TXNDC16: variants seen among roughly 807,000 people sequenced by gnomAD.
The protein encoded by TXNDC16 is thioredoxin domain-containing protein 16.
A neutral mutation model predicts 85.6 loss-of-function variants in TXNDC16; 74 were observed. The observed-to-expected ratio is 0.86, with a 90% CI of 0.72 to 1.05. TXNDC16 has a LOEUF of 1.05. Ranked by LOEUF, TXNDC16 falls within the 50% of genes least tolerant of loss-of-function variation. The probability of loss-of-function intolerance (pLI) is 0.00; values close to 1 mark genes in which losing one functional copy is unlikely to be tolerated. For missense variants in TXNDC16, 959 were observed against 947.0 expected (o/e 1.01, Z -0.17); for synonymous variants, 335 against 326.5 (o/e 1.03, Z -0.28).
Position 52,469,346 on chromosome 14 carries a change from C to CA in TXNDC16, c.1618+690dup, listed in dbSNP as rs980221572. 7.5e-3 allele frequency among the ~76,000 whole-genome samples: 878 copies of CA among 116,644 alleles called. 14 individuals are homozygous for CA. The highest frequency in any genetic ancestry group is 0.052 in the Admixed American group (606 of 11,544). 76.5% of individuals were successfully genotyped at this position (116,644 alleles called of 152,430 possible). On this transcript the variant is annotated intron_variant, in intron 16 of 20. Transcript: ENST00000281741. ...TAGGTGACAGAGCAAGATCTCGTCTCAAAAAAAAAAACAAAAAACAAATTT... is the reference window on the plus strand; with the variant it reads ...TAGGTGACAGAGCAAGATCTCGTCTCAAAAAAAAAAAACAAAAAACAAATTT...
intron 8 of TXNDC16, among the ~76,000 whole-genome samples, chr14:52,514,625 C>T (rs1246491957): frequency 6.6e-6 from 1 of 152,140 alleles, no homozygotes; most frequent in East Asian, 1.9e-4. Flanking sequence ...CCCGCTTGGC[C>T]ACTCACATCT....
At chr14:52,524,722 T>C (rs1459184524) in intron 6 of TXNDC16, among the ~76,000 whole-genome samples, 1 of 152,076 alleles carries the variant, frequency 6.6e-6, no homozygotes, top group African/African-American at 2.4e-5. Flanking sequence ...CTTGAACTCC[T>C]GGCCTCAAGT....
chr14:52,490,413 A>T lies in TXNDC16; in HGVS notation c.962T>A (p.Val321Glu), dbSNP rs1161016847. The change falls in exon 11 of 21, where the codon GTG (valine) becomes GAG (glutamate). Residue 321 changes from valine (V) to glutamate (E), a missense_variant. Transcript: ENST00000281741. ...AACCTCTTCTGCTCTTTTGAAGACCACATTAGCATCTTGAGGAATGTTCAC... is the reference window on the plus strand; with the variant it reads ...AACCTCTTCTGCTCTTTTGAAGACCTCATTAGCATCTTGAGGAATGTTCAC... ...LEVNIPQDAN[V>E]VFKRAEEGVP... 2 of 1,600,678 alleles carry T rather than the reference A, an allele frequency of 1.2e-6. No individual in the cohort carries two copies. The highest frequency in any genetic ancestry group is 1.3e-5 in the African/African-American group (1 of 74,484).
intron 4 of TXNDC16, among the ~76,000 whole-genome samples, chr14:52,541,675 T>C (rs1039876326): frequency 1.3e-5 from 2 of 152,174 alleles, no homozygotes; most frequent in African/African-American, 4.8e-5. Flanking sequence ...AGAAAAAATG[T>C]ACACAGAAAG....
chr14:52,454,155 A>G (rs2035473954), intron 18 of TXNDC16, among the ~76,000 whole-genome samples: 1 of 152,200 alleles, frequency 6.6e-6, no homozygotes, highest in Admixed American at 6.5e-5. Flanking sequence ...GGCCAGGTGC[A>G]GTGGCTCATG....
At chr14:52,475,462 C>G (rs980919850) in intron 14 of TXNDC16, among the ~76,000 whole-genome samples, 1 of 152,130 alleles carries the variant, frequency 6.6e-6, no homozygotes, top group Non-Finnish European at 1.5e-5. Flanking sequence ...TGGAAACAGA[C>G]TTGGTGCTGT....
At chr14:52,543,842 AC>A (rs2037886845) in intron 2 of TXNDC16, among the ~76,000 whole-genome samples, 1 of 152,066 alleles carries the variant, frequency 6.6e-6, no homozygotes, top group Admixed American at 6.5e-5. Flanking sequence ...TATCAAAACT[AC>A]CTAGAAAATG....
chr14:52,443,214 A>G (rs1330105132), intron 18 of TXNDC16, among the ~76,000 whole-genome samples: 1 of 152,128 alleles, frequency 6.6e-6, no homozygotes, highest in African/African-American at 2.4e-5. Flanking sequence ...AAAAGTGTAA[A>G]GACTAGACTG....
At chr14:52,442,148 T>C (rs1243263234) in intron 18 of TXNDC16, among the ~76,000 whole-genome samples, 1 of 152,216 alleles carries the variant, frequency 6.6e-6, no homozygotes. Context: ...TAACAAGAAT[T>C]GGAAAGTGCA....
intron 14 of TXNDC16, among the ~76,000 whole-genome samples, chr14:52,481,434 T>C (rs1352064827): frequency 6.6e-6 from 1 of 152,282 alleles, no homozygotes; most frequent in Non-Finnish European, 1.5e-5. Context: ...CTTCAATGTA[T>C]AAATAAGTTG....
intron 18 of TXNDC16, among the ~76,000 whole-genome samples, chr14:52,441,235 GTTTCT>G (rs1326068972): frequency 1.2e-4 from 18 of 152,046 alleles, no homozygotes; most frequent in Non-Finnish European, 1.8e-4. Context: ...CACCAATCTT[GTTTCT>G]TTTGAGTTTA....
chr14:52,455,221 G>C, intron 18 of TXNDC16, 103 bp downstream of exon 18: 1 of 1,347,196 alleles, frequency 7.4e-7, no homozygotes, highest in Non-Finnish European at 1.0e-6. Context: ...AAATCACCCT[G>C]CCCTGTACCA....
chr14:52,503,215 G>A (rs993910181), intron 9 of TXNDC16, among the ~76,000 whole-genome samples: 1 of 152,178 alleles, frequency 6.6e-6, no homozygotes, highest in Non-Finnish European at 1.5e-5. Flanking sequence ...TGTCTGACAG[G>A]TTTGAAGAGA....
chr14:52,464,609 T>C (rs2035729051), intron 16 of TXNDC16, among the ~76,000 whole-genome samples: 2 of 151,860 alleles, frequency 1.3e-5, no homozygotes. Flanking sequence ...CAATTTTTCA[T>C]AAAAATTTTT....
At chr14:52,548,656 T>C (rs1284670283) in intron 1 of TXNDC16, among the ~76,000 whole-genome samples, 1 of 151,876 alleles carries the variant, frequency 6.6e-6, no homozygotes, top group African/African-American at 2.4e-5. Flanking sequence ...CCGAGACGGG[T>C]GGATCACCTG....
At chr14:52,532,942 TG>T (rs1251111883) in intron 6 of TXNDC16, among the ~76,000 whole-genome samples, 2 of 152,232 alleles carry the variant, frequency 1.3e-5, no homozygotes, top group Admixed American at 1.3e-4. Context: ...ATATCGTTAC[TG>T]GGAAATTTTA....
At chr14:52,532,446 T>G (rs1338020559) in intron 6 of TXNDC16, among the ~76,000 whole-genome samples, 2 of 152,062 alleles carry the variant, frequency 1.3e-5, no homozygotes, top group Non-Finnish European at 2.9e-5. Flanking sequence ...CAAATCTATT[T>G]TTTTTTTTGA....
At chr14:52,543,868 G>A (rs545433022) in intron 2 of TXNDC16, among the ~76,000 whole-genome samples, 9 of 152,146 alleles carry the variant, frequency 5.9e-5, no homozygotes, top group African/African-American at 1.7e-4. Flanking sequence ...ATTTAGTAGA[G>A]TGTGTTAAGC....
At chr14:52,517,342 C>CT (rs1448578432) in intron 7 of TXNDC16, among the ~76,000 whole-genome samples, 1 of 152,090 alleles carries the variant, frequency 6.6e-6, no homozygotes, top group Non-Finnish European at 1.5e-5. Flanking sequence ...CCAAAACAAG[C>CT]TAGCATCACC....
Sources: allele counts gnomAD v4.1 joint callset (sites outside exome capture counted in the v4.1 genomes callset), GRCh38; gene constraint gnomAD v4.1.1; transcripts MANE v1.5; gene names NCBI Gene and HGNC (gene_info 2026-07-23, HGNC 2026-07-21).